The following DIAPH2 variants were observed in gnomAD, a reference collection of about 807,000 sequenced individuals.
DIAPH2 encodes the protein protein diaphanous homolog 2.
Under a neutral mutation model 92.7 loss-of-function variants are expected in DIAPH2, and 35 were observed. The observed-to-expected ratio is 0.38, with a 90% confidence interval of 0.29 to 0.50. The LOEUF (loss-of-function observed/expected upper bound fraction) is 0.50, where lower values mean the gene tolerates loss of function less well. DIAPH2 is among the 20% of genes least tolerant of loss of function. The pLI is 0.94. For missense variants in DIAPH2, 701 were observed against 819.5 expected (o/e 0.86, Z 1.77); for synonymous variants, 301 against 280.4 (o/e 1.07, Z -0.73).
At chrX:97,002,520 GTA>G (rs772478752) in intron 17 of DIAPH2, among the ~76,000 whole-genome samples, 11 of 111,526 alleles carry the variant, frequency 9.9e-5, no homozygotes, top group Non-Finnish European at 1.7e-4. Flanking sequence ...CAAGATCTAA[GTA>G]TGTTTCCCTT....
At chrX:97,185,279 AGTGAGACCCTGTCTC>A (rs2067571104) in intron 22 of DIAPH2, among the ~76,000 whole-genome samples, 1 of 69,599 alleles carries the variant, frequency 1.4e-5, no homozygotes, top group Non-Finnish European at 2.5e-5. Flanking sequence ...TGGGAGACAG[AGTGAGACCCTGTCTC>A]AAAAAAAAAA....
At chrX:97,030,128 G>T (rs772050773) in intron 17 of DIAPH2, among the ~76,000 whole-genome samples, 1 of 111,547 alleles carries the variant, frequency 9.0e-6, no homozygotes, top group Non-Finnish European at 1.9e-5. Flanking sequence ...ATTAGATGAG[G>T]AATAAGAAAT....
intron 23 of DIAPH2, among the ~76,000 whole-genome samples, chrX:97,336,936 T>A (rs1054909843): frequency 8.1e-5 from 9 of 110,582 alleles, no homozygotes; most frequent in Non-Finnish European, 1.3e-4. Flanking sequence ...TTAAAAGCAT[T>A]TTTTTTATCC....
chrX:97,216,156 A>G (rs1012188525), intron 22 of DIAPH2, among the ~76,000 whole-genome samples: 4 of 112,223 alleles, frequency 3.6e-5, no homozygotes, highest in African/African-American at 6.5e-5. Context: ...TACAGATACT[A>G]TTGAGGCCTT....
intron 19 of DIAPH2, among the ~76,000 whole-genome samples, chrX:97,086,351 TAGA>T (rs913757936): frequency 2.0e-4 from 22 of 111,617 alleles, no homozygotes; most frequent in African/African-American, 6.2e-4. Flanking sequence ...GTCAAACTCA[TAGA>T]AGCACAGAGT....
intron 26 of DIAPH2, among the ~76,000 whole-genome samples, chrX:97,579,065 A>G (rs982453001): frequency 2.8e-5 from 3 of 105,514 alleles, no homozygotes; most frequent in African/African-American, 1.0e-4. Context: ...TAGATTCTGG[A>G]TATTAGCCCT....
At chrX:97,263,461 A>G (rs2068305366) in intron 23 of DIAPH2, among the ~76,000 whole-genome samples, 2 of 111,759 alleles carry the variant, frequency 1.8e-5, no homozygotes, top group African/African-American at 6.5e-5. Context: ...GTGCATTATT[A>G]TATTGAGCAC....
intron 4 of DIAPH2, among the ~76,000 whole-genome samples, chrX:96,829,458 TATAA>T (rs774483147): frequency 0.075 from 2,664 of 35,362 alleles, 62 homozygotes; most frequent in African/African-American, 0.39. Context: ...TATATATATA[TATAA>T]AACAAGGCAA....
At chrX:97,068,964 G>A (rs745614647) in intron 17 of DIAPH2, among the ~76,000 whole-genome samples, 12 of 110,893 alleles carry the variant, frequency 1.1e-4, no homozygotes, top group Non-Finnish European at 2.3e-4. Context: ...GTACTTTTTT[G>A]TTAGTTTGTT....
chrX:96,763,276 T>C (rs1361949768), intron 4 of DIAPH2, among the ~76,000 whole-genome samples: 1 of 111,889 alleles, frequency 8.9e-6, no homozygotes, highest in Non-Finnish European at 1.9e-5. Context: ...GAATTTAGCC[T>C]GGACAAGTAT....
intron 26 of DIAPH2, among the ~76,000 whole-genome samples, chrX:97,465,963 C>T (rs945816552): frequency 8.9e-6 from 1 of 111,839 alleles, no homozygotes; most frequent in African/African-American, 3.3e-5. Context: ...GCTGGGATTA[C>T]AAGCATGAGC....
Position 96,936,346 on chromosome X carries a change from A to G in DIAPH2, c.1090-887A>G, listed in dbSNP as rs191259293. ...ATTTTGTTTTATCGACCTAATTTGA[A>G]GTACACCATGCTTGCATTTCCTTTT... On this transcript the variant is annotated intron_variant, in intron 10 of 26. Coordinates refer to ENST00000324765, the MANE Select transcript of DIAPH2 (RefSeq NM_006729.5). 1.3e-4 allele frequency among the ~76,000 whole-genome samples: 14 copies of G among 111,764 alleles called. 1 individual carries two copies. The East Asian group carries it at 3.9e-3, about 31-fold the overall frequency.
rs200893576 is a variant in DIAPH2 at position 97,343,668 on chromosome X, C to CA, written c.2845-4441dup. Among the ~76,000 whole-genome samples the CA allele has an allele frequency of 4.9e-3, 358 of 73,563 alleles. 3 individuals are homozygous for CA. The highest frequency in any genetic ancestry group is 0.018 in the African/African-American group (314 of 17,877). The allele number at this position is 73,563 out of a possible 115,157, so 63.9% of individuals were successfully genotyped here. On this transcript the variant is annotated intron_variant, in intron 23 of 26. Transcript: ENST00000324765. ...TGGGTGACAGAGTGAGACTCTGTCT[C>CA]AAAAAAACAAAACAAAAGAAAGCAA...
intron 26 of DIAPH2, among the ~76,000 whole-genome samples, chrX:97,502,087 G>A (rs2070802423): frequency 8.9e-6 from 1 of 112,434 alleles, no homozygotes; most frequent in Admixed American, 9.4e-5. Context: ...ACAAGCGTGA[G>A]CCATCGTGTC....
chrX:97,142,349 T>C (rs889741922), intron 22 of DIAPH2, among the ~76,000 whole-genome samples: 1 of 110,611 alleles, frequency 9.0e-6, no homozygotes, highest in Non-Finnish European at 1.9e-5. Flanking sequence ...GAGGTTAGGG[T>C]TTTACAGACA....
rs369018044 is a variant in DIAPH2, at chrX:96,844,021, A to G, written c.448-37558A>G. On this transcript the variant is annotated intron_variant, in intron 4 of 26. Coordinates refer to ENST00000324765, the MANE Select transcript of DIAPH2 (RefSeq NM_006729.5). The stretch of plus-strand genomic sequence containing the variant: ...CACCCTATGTGGTAGGTTACCAGAG[A>G]TTTGTAAATAGAGGCTCTAAGAGGT... 2.5e-4 allele frequency among the ~76,000 whole-genome samples: 28 copies of G among 112,381 alleles called. No individual in the cohort carries two copies. The East Asian group carries it at 7.0e-3, about 28-fold the overall frequency.
Position 96,948,918 on chromosome X carries a change from G to C in DIAPH2, c.1510-17G>C. The stretch of plus-strand genomic sequence containing the variant: ...AAAACTATATTATTAACTGTACATT[G>C]ATGGTGATCATTGCAGTTCGATGAA... On this transcript the variant is annotated splice_polypyrimidine_tract_variant and intron_variant, in intron 14 of 26. Transcript: ENST00000324765. 2 of 1,097,844 alleles carry C rather than the reference G, an allele frequency of 1.8e-6. No homozygotes were observed. The highest frequency in any genetic ancestry group is 2.5e-6 in the Non-Finnish European group (2 of 803,829). The allele number at this position is 1,097,844 out of a possible 1,213,427, so 90.5% of individuals were successfully genotyped here.
At chrX:96,769,148 T>C (rs978229739) in intron 4 of DIAPH2, among the ~76,000 whole-genome samples, 1 of 111,586 alleles carries the variant, frequency 9.0e-6, no homozygotes, top group Non-Finnish European at 1.9e-5. Flanking sequence ...AAGTAAAATA[T>C]CCCAGCCTCA....
intron 4 of DIAPH2, among the ~76,000 whole-genome samples, chrX:96,793,340 T>C (rs2064514379): frequency 9.0e-6 from 1 of 111,634 alleles, no homozygotes; most frequent in Admixed American, 9.4e-5. Context: ...GGCTAATTTT[T>C]GTATTTTTAG....
Sources: allele counts gnomAD v4.1 joint callset (sites outside exome capture counted in the v4.1 genomes callset), GRCh38; gene constraint gnomAD v4.1.1; transcripts MANE v1.5; gene names NCBI Gene and HGNC (gene_info 2026-07-23, HGNC 2026-07-21).